PLA2G4E: variants seen among roughly 807,000 people sequenced by gnomAD.
PLA2G4E encodes the protein cytosolic phospholipase A2 epsilon.
PLA2G4E carries 84 observed loss-of-function variants against 109.1 expected under a neutral mutation model. That is an observed-to-expected ratio of 0.77 (90% CI 0.65 to 0.92). PLA2G4E has a LOEUF of 0.92. Ranked by LOEUF, PLA2G4E falls within the 40% of genes least tolerant of loss-of-function variation. The pLI is 0.00. For synonymous variants in PLA2G4E, 469 were observed against 436.1 expected (o/e 1.08, Z -0.94); for missense variants, 1,057 against 1,076.6 (o/e 0.98, Z 0.25).
intron 2 of PLA2G4E, chr15:42,010,135 C>CCCCA (rs1555387005): frequency 2.1e-6 from 1 of 467,734 alleles, no homozygotes; most frequent in South Asian, 1.9e-5. Flanking sequence ...AACACTGGCC[C>CCCCA]CCCCACCCCG....
chr15:42,041,057 G>C (rs1016703775), intron 1 of PLA2G4E, among the ~76,000 whole-genome samples: 1 of 152,164 alleles, frequency 6.6e-6, no homozygotes, highest in Non-Finnish European at 1.5e-5. Context: ...GTGTGAGGAA[G>C]AGTCAGTAAA....
Position 42,006,221 on chromosome 15 carries a change from G to A in PLA2G4E, c.394-100C>T, listed in dbSNP as rs1595566491. On this transcript the variant is annotated intron_variant, in intron 3 of 19. Coordinates refer to ENST00000399518, the Ensembl canonical transcript of PLA2G4E. ...TCTGTCCTAGCAAGGAGGTAGGTCT[G>A]GGGGATGGGAGACAGCCCAGAAGTC... 4.0e-5 allele frequency: 59 copies of A among 1,473,600 alleles called. 2 individuals are homozygous for A. The South Asian group carries it at 7.2e-4, about 18-fold the overall frequency. 91.3% of individuals were successfully genotyped at this position (1,473,600 alleles called of 1,614,324 possible).
At chr15:42,006,121 T>C in exon 4 of PLA2G4E, 2 of 1,613,650 alleles carry the variant, frequency 1.2e-6, no homozygotes, top group Non-Finnish European at 1.7e-6. Context: ...TCTAGCACGT[T>C]CTAGGGGAGA....
chr15:42,009,121 A>G (rs958007327), intron 2 of PLA2G4E: 3 of 152,134 alleles, frequency 2.0e-5, no homozygotes, highest in Non-Finnish European at 2.9e-5. Flanking sequence ...AGGTGAGATG[A>G]CACTCTCTTT....
At chr15:42,028,201 C>A (rs1369123722) in intron 1 of PLA2G4E, among the ~76,000 whole-genome samples, 1 of 152,104 alleles carries the variant, frequency 6.6e-6, no homozygotes, top group Non-Finnish European at 1.5e-5. Context: ...CTATTATTAT[C>A]TCATTTTAAA....
chr15:42,025,756 A>G (rs1056432278), intron 1 of PLA2G4E, among the ~76,000 whole-genome samples: 24 of 152,150 alleles, frequency 1.6e-4, no homozygotes, highest in African/African-American at 5.6e-4. Flanking sequence ...TGGAACTTAG[A>G]GTGGTGGTGT....
At chr15:41,991,946 C>T (rs918336818) in intron 13 of PLA2G4E, among the ~76,000 whole-genome samples, 3 of 152,190 alleles carry the variant, frequency 2.0e-5, no homozygotes, top group African/African-American at 7.2e-5. Flanking sequence ...AGGATCGCAA[C>T]ACCCCTTGGA....
At position 41,995,555 on chromosome 15, in the gene PLA2G4E, G is replaced by A. The variant is rs1004265466; in HGVS notation, c.1111-59C>T. The A allele has an allele frequency of 4.4e-6, 7 of 1,591,102 alleles. No individual in the cohort carries two copies. In the South Asian group the frequency reaches 7.8e-5, roughly 18 times the overall value. On this transcript the variant is annotated intron_variant, in intron 11 of 19. Coordinates refer to ENST00000399518, the Ensembl canonical transcript of PLA2G4E. ...GCTCCAGAAGCAAAGCTTGGGAGAA[G>A]ACTTAGAATGACGGCAACTTTGAAA...
At chr15:42,005,622 G>A (rs2068467747) in intron 4 of PLA2G4E, among the ~76,000 whole-genome samples, 1 of 152,202 alleles carries the variant, frequency 6.6e-6, no homozygotes, top group Admixed American at 6.5e-5. Context: ...CTGTTCCTGG[G>A]GCCATCCCAG....
chr15:42,004,288 T>A (rs2068450320), intron 5 of PLA2G4E, among the ~76,000 whole-genome samples: 1 of 131,412 alleles, frequency 7.6e-6, no homozygotes, highest in African/African-American at 3.2e-5. Flanking sequence ...GATGACAGAG[T>A]GAGACGAAAG....
In PLA2G4E at chr15:42,030,866, T is replaced by G. The variant is rs560568114; in HGVS notation, c.184-17109A>C. Among the ~76,000 whole-genome samples, 79 of 152,388 alleles carry G rather than the reference T, an allele frequency of 5.2e-4. 1 individual carries two copies. Among genetic ancestry groups the G allele is most frequent in the Middle Eastern group, 6.8e-3 (2 of 294 alleles). On this transcript the variant is annotated intron_variant, in intron 1 of 19. Coordinates refer to ENST00000399518, the Ensembl canonical transcript of PLA2G4E. ...AGGCTTTTGAGATTGGTCCAGGTTT[T>G]TGTGTGTAACAAGAGTTTACTTTTT... is the stretch of plus-strand genomic sequence containing the variant.
At chr15:42,034,229 T>C (rs1566850116) in intron 1 of PLA2G4E, among the ~76,000 whole-genome samples, 4 of 152,244 alleles carry the variant, frequency 2.6e-5, no homozygotes. Flanking sequence ...TTATTTCTAA[T>C]TTCCCTTGAA....
intron 13 of PLA2G4E, 106 bp from the exon 14 acceptor site, chr15:41,990,341 T>C: frequency 1.0e-6 from 1 of 979,722 alleles, no homozygotes; most frequent in Non-Finnish European, 1.6e-6. Flanking sequence ...TCCTGGCTCC[T>C]GAGCTCACCG....
At chr15:42,000,230 G>GGTT in exon 8 of PLA2G4E, 2 of 1,583,206 alleles carry the variant, frequency 1.3e-6, no homozygotes, top group Non-Finnish European at 1.7e-6. Context: ...AGCAGGGCCG[G>GGTT]ACACGCTGGG....
chr15:41,989,751 T>C (rs907163179), intron 14 of PLA2G4E, among the ~76,000 whole-genome samples, 199 bp from the exon 15 acceptor site: 1 of 152,190 alleles, frequency 6.6e-6, no homozygotes, highest in Admixed American at 6.5e-5. Flanking sequence ...TGCCATGCTT[T>C]GCAAGGAGGA....
chr15:42,013,860 C>A, intron 1 of PLA2G4E, 103 bp from the exon 2 acceptor site: 1 of 663,104 alleles, frequency 1.5e-6, no homozygotes, highest in Non-Finnish European at 2.5e-6. Flanking sequence ...GGCCCAGTTG[C>A]ATTACAACAA....
chr15:41,996,639 A>G (rs1053135053), intron 11 of PLA2G4E, among the ~76,000 whole-genome samples: 4 of 152,210 alleles, frequency 2.6e-5, no homozygotes, highest in African/African-American at 9.6e-5. Flanking sequence ...TCCCGTGGGA[A>G]GAAGGGGCGG....
At chr15:42,044,255 G>A (rs1246786195) in intron 1 of PLA2G4E, among the ~76,000 whole-genome samples, 3 of 152,086 alleles carry the variant, frequency 2.0e-5, no homozygotes, top group East Asian at 1.9e-4. Context: ...TTGGGGAGAC[G>A]TCAGGGATGA....
At chr15:42,025,031 T>C (rs1323471363) in intron 1 of PLA2G4E, among the ~76,000 whole-genome samples, 1 of 151,636 alleles carries the variant, frequency 6.6e-6, no homozygotes, top group African/African-American at 2.4e-5. Context: ...AAACCCCATC[T>C]CCACTACACA....
Sources: gnomAD v4.1 joint callset for allele counts (sites outside exome capture counted in the v4.1 genomes callset) on GRCh38, gnomAD v4.1.1 for gene constraint, MANE v1.5 for transcripts, NCBI Gene and HGNC (gene_info 2026-07-23, HGNC 2026-07-21) for gene names.